The following LARP4B variants were observed in gnomAD, a reference collection of about 807,000 sequenced individuals.
LARP4B encodes the protein La ribonucleoprotein 4B, also known as la-related protein 4B.
LARP4B carries 12 observed loss-of-function variants against 89.8 expected under a neutral mutation model. The observed-to-expected ratio is 0.13, with a 90% CI of 0.09 to 0.22. The LOEUF (loss-of-function observed/expected upper bound fraction) is 0.22. Among genes scored for constraint, LARP4B ranks in the 10% least tolerant of loss-of-function variants. LARP4B has a pLI of 1.00. For missense variants in LARP4B, 757 were observed against 947.7 expected, an observed-to-expected ratio of 0.80 and a Z score of 2.64; for synonymous variants, 367 against 363.3, an observed-to-expected ratio of 1.01 and a Z score of -0.12.
intron 1 of LARP4B, among the ~76,000 whole-genome samples, chr10:893,895 A>G (rs1836112574): frequency 6.6e-6 from 1 of 152,164 alleles, no homozygotes; most frequent in African/African-American, 2.4e-5. Flanking sequence ...GGACTACAGG[A>G]CACCCACTTA....
At chr10:921,061 G>A (rs1836964147) in intron 1 of LARP4B, among the ~76,000 whole-genome samples, 1 of 152,108 alleles carries the variant, frequency 6.6e-6, no homozygotes, top group Admixed American at 6.5e-5. Context: ...ATCACCTGAG[G>A]TGGGGAGTTC....
At chr10:919,920 A>G (rs1836933577) in intron 1 of LARP4B, among the ~76,000 whole-genome samples, 1 of 152,250 alleles carries the variant, frequency 6.6e-6, no homozygotes, top group Non-Finnish European at 1.5e-5. Context: ...GGTGTTAACC[A>G]GAACACCAAT....
chr10:882,376 T>G (rs1835705705), intron 3 of LARP4B, among the ~76,000 whole-genome samples: 2 of 152,000 alleles, frequency 1.3e-5, no homozygotes, highest in African/African-American at 4.8e-5. Flanking sequence ...GTTCTCATAC[T>G]AAATAGGGAA....
At chr10:979,714 G>A in the LARP4B span, among the ~76,000 whole-genome samples, 1 of 152,198 alleles carries the variant, frequency 6.6e-6, no homozygotes, top group African/African-American at 2.4e-5. Context: ...GCTGATGCCT[G>A]TAATCCCAGC....
At chr10:808,768 C>T (rs370894032), downstream of LARP4B, 9 of 151,486 alleles carry the variant, frequency 5.9e-5, no homozygotes, top group Admixed American at 6.6e-5. Context: ...CACACACACA[C>T]GCACACATAC....
chr10:948,394 C>T, the LARP4B span, among the ~76,000 whole-genome samples: 19 of 152,204 alleles, frequency 1.2e-4, no homozygotes, highest in Middle Eastern at 3.4e-3. Context: ...TTACAGGTGC[C>T]CACCACCACA....
chr10:834,189 G>A (rs922714720), intron 8 of LARP4B, among the ~76,000 whole-genome samples: 32 of 152,152 alleles, frequency 2.1e-4, no homozygotes, highest in African/African-American at 6.8e-4. Flanking sequence ...TACAAAAACG[G>A]TTTCCAGGGA....
At chr10:907,588 C>T (rs1836527479) in intron 1 of LARP4B, among the ~76,000 whole-genome samples, 1 of 152,184 alleles carries the variant, frequency 6.6e-6, no homozygotes, top group Non-Finnish European at 1.5e-5. Context: ...AAGTGGCAAA[C>T]ACATACTGAA....
At chr10:917,057 T>C (rs1836840497) in intron 1 of LARP4B, among the ~76,000 whole-genome samples, 1 of 152,166 alleles carries the variant, frequency 6.6e-6, no homozygotes, top group African/African-American at 2.4e-5. Flanking sequence ...TTGGAGTAAG[T>C]AAAAACTTTC....
intron 5 of LARP4B, among the ~76,000 whole-genome samples, chr10:855,015 T>C (rs924605422): frequency 1.3e-5 from 2 of 152,234 alleles, no homozygotes; most frequent in African/African-American, 4.8e-5. Flanking sequence ...TTTAACTTCA[T>C]GAAATAACCT....
At chr10:962,231 G>C in the LARP4B span, among the ~76,000 whole-genome samples, 1 of 150,852 alleles carries the variant, frequency 6.6e-6, no homozygotes, top group African/African-American at 2.5e-5. Context: ...AGGAGGCAGA[G>C]GTTGCAGTGA....
intron 7 of LARP4B, among the ~76,000 whole-genome samples, chr10:840,326 A>AATG (rs1833462358): frequency 6.6e-6 from 1 of 152,180 alleles, no homozygotes; most frequent in East Asian, 1.9e-4. Flanking sequence ...CGTGACACTG[A>AATG]ATGATGAGCT....
At position 873,198 on chromosome 10, in the gene LARP4B, C is replaced by T. The variant is rs952887666; in HGVS notation, c.142-8928G>A. 4 of 985,282 alleles carry T rather than the reference C, an allele frequency of 4.1e-6. No individual in the cohort carries two copies. The South Asian group carries it at 1.4e-4, about 35-fold the overall frequency. The allele number at this position is 985,282 out of a possible 1,614,324, so 61.0% of individuals were successfully genotyped here. ...CGTGCTGGTCCCAAGCCTCCACAGACGCACCTCACAGTAACTTGCTATAAT... is the reference window on the plus strand; with the variant it reads ...CGTGCTGGTCCCAAGCCTCCACAGATGCACCTCACAGTAACTTGCTATAAT... On this transcript the variant is annotated intron_variant, in intron 3 of 17. Transcript: ENST00000316157.
At chr10:842,802 G>C in intron 7 of LARP4B, 130 bp downstream of exon 7, 1 of 792,184 alleles carries the variant, frequency 1.3e-6, no homozygotes, top group African/African-American at 1.8e-5. Context: ...GAAAGGAACG[G>C]AAGGCCAGAA....
At chr10:916,756 G>A (rs1282553620) in intron 1 of LARP4B, among the ~76,000 whole-genome samples, 1 of 152,168 alleles carries the variant, frequency 6.6e-6, no homozygotes, top group Non-Finnish European at 1.5e-5. Context: ...AGAGTGCAGT[G>A]GCACTTTCTA....
the LARP4B span, among the ~76,000 whole-genome samples, chr10:965,535 A>T: frequency 1.3e-5 from 2 of 152,262 alleles, no homozygotes; most frequent in African/African-American, 4.8e-5. Context: ...GCGATGGAAG[A>T]ATTAGCAACT....
chr10:922,947 C>G lies in LARP4B; in HGVS notation c.-40+8481G>C, dbSNP rs112953706. 2.6e-5 allele frequency among the ~76,000 whole-genome samples: 4 copies of G among 152,208 alleles called. No individual in the cohort carries two copies. The East Asian group carries it at 7.7e-4, about 29-fold the overall frequency. ...GAAATCAGCTGGGCGTGGTGGCACA[C>G]GCCTGCAGTCCCAGTTACTTGGGAG... On this transcript the variant is annotated intron_variant, in intron 1 of 17. Transcript: ENST00000316157.
At chr10:879,454 G>C (rs1211105256) in intron 3 of LARP4B, among the ~76,000 whole-genome samples, 1 of 152,194 alleles carries the variant, frequency 6.6e-6, no homozygotes, top group Admixed American at 6.5e-5. Flanking sequence ...ATATTTCTAA[G>C]ACAGGAAACT....
At chr10:941,602 CG>C in the LARP4B span, among the ~76,000 whole-genome samples, 2 of 152,064 alleles carry the variant, frequency 1.3e-5, no homozygotes, top group Admixed American at 6.5e-5. Flanking sequence ...ATTACAGGCG[CG>C]AGCCACTGCA....
Sources: gnomAD v4.1 joint callset for allele counts (sites outside exome capture counted in the v4.1 genomes callset) on GRCh38, gnomAD v4.1.1 for gene constraint, MANE v1.5 for transcripts, NCBI Gene and HGNC (gene_info 2026-07-23, HGNC 2026-07-21) for gene names.